NBR1: variants seen among roughly 807,000 people sequenced by gnomAD.
The protein encoded by NBR1 is NBR1 autophagy cargo receptor.
Under a neutral mutation model 115.5 loss-of-function variants are expected in NBR1, and 59 were observed. The ratio of observed to expected loss-of-function variants is 0.51; its 90% CI spans 0.41 to 0.63. NBR1 has a LOEUF of 0.63. Ranked by LOEUF, NBR1 falls within the 30% of genes least tolerant of loss-of-function variation. The probability of loss-of-function intolerance (pLI) is 0.00; values close to 1 mark genes in which losing one functional copy is unlikely to be tolerated. For missense variants in NBR1, 1,043 were observed against 1,150.5 expected (o/e 0.91, Z 1.35); for synonymous variants, 373 against 414.7 (o/e 0.90, Z 1.22).
At chr17:43,174,093 A>G (rs1023626848) in intron 1 of NBR1, among the ~76,000 whole-genome samples, 6 of 152,258 alleles carry the variant, frequency 3.9e-5, no homozygotes, top group Admixed American at 1.3e-4. Context: ...AAAAATTCTT[A>G]TCTTTTAGAG....
rs1043002576 is a variant in NBR1, at chr17:43,193,440, A to G, written c.1326A>G (p.Val442=). The part of the protein sequence containing the change: ...PCLKAGHVGV[V]SVEFIAPALE... ...TCAAGGCCGGCCATGTGGGAGTTGT[A>G]TCTGTGGAGTTCATTGCCCCAGCCT... Residue 442 remains valine (V), a synonymous_variant, in exon 12 of 21, where the codon GTA becomes GTG. Transcript: ENST00000590996. 10 of 1,613,850 alleles carry G rather than the reference A, an allele frequency of 6.2e-6. No individual in the cohort carries two copies. The highest frequency in any genetic ancestry group is 1.6e-4 in the Middle Eastern group (1 of 6,084).
At chr17:43,202,841 T>C in intron 19 of NBR1, 129 bp downstream of exon 19, 1 of 704,636 alleles carries the variant, frequency 1.4e-6, no homozygotes, top group Non-Finnish European at 2.4e-6. Context: ...TGTTCCGTCT[T>C]ATTCTTGTTT....
chr17:43,203,412 A>G (rs1455557901), intron 19 of NBR1, among the ~76,000 whole-genome samples: 1 of 152,178 alleles, frequency 6.6e-6, no homozygotes, highest in Non-Finnish European at 1.5e-5. Flanking sequence ...CGATCACATT[A>G]ATTTTCAGCT....
chr17:43,171,054 T>C (rs2056345171), upstream of NBR1: 1 of 152,424 alleles, frequency 6.6e-6, no homozygotes, highest in Non-Finnish European at 1.5e-5. Flanking sequence ...TCAATGTTTG[T>C]TATTGTTGTT....
intron 6 of NBR1, among the ~76,000 whole-genome samples, chr17:43,187,502 CTTTTTT>C (rs71160025): frequency 2.9e-5 from 2 of 68,836 alleles, no homozygotes; most frequent in East Asian, 4.5e-4. Flanking sequence ...TATTTCCTGA[CTTTTTT>C]TTTTTTTTTT....
intron 15 of NBR1, 73 bp from the exon 16 acceptor site, chr17:43,196,869 C>T: frequency 6.5e-7 from 1 of 1,528,034 alleles, no homozygotes; most frequent in East Asian, 2.3e-5. Context: ...TTAGTTTTAG[C>T]ATGGGTAATG....
chr17:43,191,289 C>T lies in NBR1; in HGVS notation c.864-83C>T, dbSNP rs2056938002. ...AAAGAAATTAAACTGGAAGCTGACA[C>T]TGATGGAAATTGCAATTGGCTCCAC... On this transcript the variant is annotated intron_variant, in intron 9 of 20. Coordinates refer to ENST00000590996, the MANE Select transcript of NBR1 (RefSeq NM_005899.5). 4.2e-6 allele frequency: 4 copies of T among 954,716 alleles called. No homozygotes were observed. The Admixed American group carries it at 7.4e-5, about 18-fold the overall frequency. 59.1% of individuals were successfully genotyped at this position (954,716 alleles called of 1,614,324 possible).
rs563131813 is a variant in NBR1 at position 43,200,540 on chromosome 17, G to A, written c.2400G>A (p.Thr800=). The change falls in exon 17 of 21, where the codon ACG becomes ACA. Residue 800 remains threonine (T), a synonymous_variant. Coordinates refer to ENST00000590996, the MANE Select transcript of NBR1 (RefSeq NM_005899.5). ...PQEHSISDIL[T]TSQTLETVPL... ...AGCACAGCATAAGTGACATCCTCACGACCTCACAGACTCTGGAAACAGTGC... is the reference window on the plus strand; with the variant it reads ...AGCACAGCATAAGTGACATCCTCACAACCTCACAGACTCTGGAAACAGTGC... 46 of 1,613,874 alleles carry A rather than the reference G, an allele frequency of 2.9e-5. No homozygotes were observed. The South Asian group carries it at 4.4e-4, about 15-fold the overall frequency.
At chr17:43,177,719 C>G (rs1258799572) in intron 2 of NBR1, among the ~76,000 whole-genome samples, 1 of 151,918 alleles carries the variant, frequency 6.6e-6, no homozygotes, top group Non-Finnish European at 1.5e-5. Context: ...GTTAGGTGTT[C>G]TGATTTCCTC....
chr17:43,196,699 T>C, intron 15 of NBR1, 108 bp downstream of exon 15: 1 of 926,346 alleles, frequency 1.1e-6, no homozygotes, highest in Middle Eastern at 2.7e-4. Context: ...ATGGGCTTGC[T>C]TTCTGTAGCA....
intron 3 of NBR1, 31 bp from the exon 4 acceptor site, chr17:43,179,363 T>A (rs778385096): frequency 4.4e-6 from 7 of 1,607,088 alleles, no homozygotes; most frequent in South Asian, 1.1e-5. Context: ...GAGACACTTA[T>A]AATTCACTGT....
At chr17:43,209,248 T>C (rs1372513297) in intron 20 of NBR1, among the ~76,000 whole-genome samples, 1 of 151,970 alleles carries the variant, frequency 6.6e-6, no homozygotes, top group African/African-American at 2.4e-5. Flanking sequence ...GGCTAATTTT[T>C]TGTATTTTTA....
In NBR1 at chr17:43,201,762, C is replaced by A. The variant is rs1472500537; in HGVS notation, c.2545C>A (p.Pro849Thr). The A allele has an allele frequency of 1.3e-6, 2 of 1,591,828 alleles. No homozygotes were observed. Among genetic ancestry groups the A allele is most frequent in the Non-Finnish European group, 1.7e-6 (2 of 1,159,844 alleles). Reference sequence around the variant, plus strand: ...TACCATACCAGAAGTTTCTTCAGTCCCTGATCAGATCAGAGGAGGTAATGA... The same window carrying A: ...TACCATACCAGAAGTTTCTTCAGTCACTGATCAGATCAGAGGAGGTAATGA... ...PVTIPEVSSV[P>T]DQIRGEPRGS... The change falls in exon 18 of 21, where the codon CCT becomes ACT. Residue 849 changes from proline (P) to threonine (T), a missense_variant. Transcript: ENST00000590996.
chr17:43,187,650 A>C (rs930178082), intron 6 of NBR1, among the ~76,000 whole-genome samples: 3 of 151,094 alleles, frequency 2.0e-5, no homozygotes, highest in Non-Finnish European at 4.4e-5. Flanking sequence ...CTGGGATTAC[A>C]GGCACACACC....
intron 1 of NBR1, among the ~76,000 whole-genome samples, chr17:43,174,823 C>T (rs761218451): frequency 4.0e-5 from 6 of 150,680 alleles, no homozygotes; most frequent in East Asian, 4.0e-4. Context: ...AGGCCAGGTG[C>T]GGTGGCTCAT....
At chr17:43,206,899 C>CA (rs1307223567) in intron 20 of NBR1, among the ~76,000 whole-genome samples, 2 of 152,014 alleles carry the variant, frequency 1.3e-5, no homozygotes, top group Non-Finnish European at 2.9e-5. Flanking sequence ...CTTATCTCTA[C>CA]AAAAAATACA....
chr17:43,204,154 G>A (rs2057265630), intron 20 of NBR1, among the ~76,000 whole-genome samples: 1 of 151,806 alleles, frequency 6.6e-6, no homozygotes, highest in Non-Finnish European at 1.5e-5. Context: ...TAGCCAGGAT[G>A]GTCTCAATCT....
At chr17:43,190,029 A>G (rs1436911073) in intron 8 of NBR1, 1 of 552,964 alleles carries the variant, frequency 1.8e-6, no homozygotes, top group Non-Finnish European at 3.2e-6. Flanking sequence ...GCCAGGCAAA[A>G]TTATGTTCCC....
Position 43,175,886 on chromosome 17 carries a change from T to A in NBR1, c.87T>A (p.Ala29=). 6.3e-7 allele frequency: 1 copy of A among 1,592,854 alleles called. No homozygotes were observed. The highest frequency in any genetic ancestry group is 8.6e-7 in the Non-Finnish European group (1 of 1,162,378). ...CTGATCCAGAAAATACAACTTGGGC[T>A]GATATCGAAGCTATGGTGAGTGTTA... ...LVSDPENTTW[A]DIEAMVKVSF... Residue 29 remains alanine, a synonymous_variant, in exon 2 of 21, where the codon GCT becomes GCA. Coordinates refer to ENST00000590996, the MANE Select transcript of NBR1 (RefSeq NM_005899.5).
Sources: gnomAD v4.1 joint callset for allele counts (sites outside exome capture counted in the v4.1 genomes callset) on GRCh38, gnomAD v4.1.1 for gene constraint, MANE v1.5 for transcripts, NCBI Gene and HGNC (gene_info 2026-07-23, HGNC 2026-07-21) for gene names.